CCDC30: variants seen among roughly 807,000 people sequenced by gnomAD.
The protein encoded by CCDC30 is coiled-coil domain-containing protein 30.
CCDC30 carries 70 observed loss-of-function variants against 100.2 expected under a neutral mutation model. The observed-to-expected ratio is 0.70, with a 90% CI of 0.58 to 0.85. The LOEUF is 0.85. CCDC30 is among the 40% of genes least tolerant of loss of function. The pLI, the probability that CCDC30 is intolerant of heterozygous loss-of-function variation, is 0.00. For synonymous variants in CCDC30, 233 were observed against 269.5 expected (o/e 0.86, Z 1.33); for missense variants, 652 against 771.2 (o/e 0.85, Z 1.83).
At chr1:42,631,186 C>G (rs562351629) in intron 11 of CCDC30, among the ~76,000 whole-genome samples, 1 of 152,306 alleles carries the variant, frequency 6.6e-6, no homozygotes, top group Admixed American at 6.5e-5. Flanking sequence ...ACTCCCCAAG[C>G]CCAGTAATGC....
At chr1:42,478,992 A>C (rs556795475) in intron 1 of CCDC30, among the ~76,000 whole-genome samples, 1 of 152,352 alleles carries the variant, frequency 6.6e-6, no homozygotes, top group African/African-American at 2.4e-5. Flanking sequence ...GCAAGGTCCT[A>C]GACTAGTAAA....
chr1:42,520,344 T>G (rs1264160092), intron 6 of CCDC30, among the ~76,000 whole-genome samples: 2 of 151,844 alleles, frequency 1.3e-5, no homozygotes, highest in Admixed American at 6.6e-5. Flanking sequence ...TCTCTTTTTT[T>G]TTTTTGAGAC....
At chr1:42,616,712 T>C (rs138600300) in intron 11 of CCDC30, among the ~76,000 whole-genome samples, 5 of 152,326 alleles carry the variant, frequency 3.3e-5, no homozygotes, top group Non-Finnish European at 5.9e-5. Context: ...ATAGAAAATC[T>C]ACATGTTCTT....
chr1:42,520,634 CTT>C (rs1181298704), intron 6 of CCDC30, among the ~76,000 whole-genome samples: 2 of 64,782 alleles, frequency 3.1e-5, no homozygotes. Flanking sequence ...CCGGCCTCAT[CTT>C]TTTTTTTTTT....
At chr1:42,587,390 T>C (rs1462835110) in intron 9 of CCDC30, among the ~76,000 whole-genome samples, 2 of 152,216 alleles carry the variant, frequency 1.3e-5, no homozygotes, top group Non-Finnish European at 2.9e-5. Context: ...ACTTCTCTTT[T>C]AGTTTCAAGG....
chr1:42,637,397 G>A lies in CCDC30; in HGVS notation c.1419+19G>A, dbSNP rs375667947. The A allele has an allele frequency of 3.3e-5, 53 of 1,601,686 alleles. No homozygotes were observed. The African/African-American group carries it at 4.9e-4, about 15-fold the overall frequency. ...AGAAAAGGTGAGGAAAAAATAAAAG[G>A]TGAAGAGCTCACTGGTGATTCCCAT... is the stretch of plus-strand genomic sequence containing the variant. On this transcript the variant is annotated intron_variant, in intron 12 of 16. Transcript: ENST00000668663.
chr1:42,528,555 G>A (rs1176688228), intron 6 of CCDC30, among the ~76,000 whole-genome samples: 1 of 152,174 alleles, frequency 6.6e-6, no homozygotes, highest in Non-Finnish European at 1.5e-5. Context: ...TGATTGGGTA[G>A]GAAGAGCCTC....
At chr1:42,517,937 ATTG>A (rs1165871175) in intron 6 of CCDC30, among the ~76,000 whole-genome samples, 2 of 152,022 alleles carry the variant, frequency 1.3e-5, no homozygotes, top group Admixed American at 1.3e-4. Context: ...CTTTTTCAAG[ATTG>A]TTGTGGCTGT....
exon 2 of CCDC30, chr1:42,480,471 T>G (rs375368954): frequency 4.6e-5 from 8 of 173,366 alleles, no homozygotes; most frequent in African/African-American, 1.9e-4. Flanking sequence ...GTTGGAGTGC[T>G]GGAGTGCAGT....
At chr1:42,647,678 C>T (rs916899626) in intron 15 of CCDC30, among the ~76,000 whole-genome samples, 1 of 152,070 alleles carries the variant, frequency 6.6e-6, no homozygotes, top group Non-Finnish European at 1.5e-5. Context: ...ATATCTTAGA[C>T]CACAAAACAA....
chr1:42,576,972 T>C, intron 7 of CCDC30, 48 bp from the exon 12 acceptor site: 2 of 1,401,106 alleles, frequency 1.4e-6, no homozygotes, highest in Non-Finnish European at 2.0e-6. Context: ...CTAGTTCACA[T>C]TCATTCCACA....
intron 6 of CCDC30, among the ~76,000 whole-genome samples, chr1:42,502,209 C>T (rs1644325345): frequency 6.6e-6 from 1 of 152,192 alleles, no homozygotes; most frequent in Non-Finnish European, 1.5e-5. Flanking sequence ...TCTCAGACTG[C>T]TGTGCTAGCA....
At chr1:42,522,270 C>G (rs1178317079) in intron 6 of CCDC30, among the ~76,000 whole-genome samples, 1 of 152,042 alleles carries the variant, frequency 6.6e-6, no homozygotes. Context: ...AGAGAGCCAA[C>G]TGTAGTTGGA....
chr1:42,622,432 C>T (rs1051912831), intron 11 of CCDC30, among the ~76,000 whole-genome samples: 6 of 152,238 alleles, frequency 3.9e-5, no homozygotes, highest in South Asian at 2.1e-4. Flanking sequence ...ATACTGATTT[C>T]CTTTCTTTTG....
intron 9 of CCDC30, among the ~76,000 whole-genome samples, chr1:42,586,005 G>A (rs918873051): frequency 2.6e-5 from 4 of 152,178 alleles, no homozygotes; most frequent in African/African-American, 9.7e-5. Context: ...CAACTGCAAT[G>A]AAGTATGATG....
upstream of CCDC30, chr1:42,460,135 AT>A: frequency 1.5e-6 from 2 of 1,305,962 alleles, no homozygotes; most frequent in Non-Finnish European, 1.9e-6. Flanking sequence ...AGAACTGTTA[AT>A]CACCTTTAAA....
At chr1:42,528,605 A>T (rs1299258763) in intron 6 of CCDC30, among the ~76,000 whole-genome samples, 1 of 152,188 alleles carries the variant, frequency 6.6e-6, no homozygotes, top group African/African-American at 2.4e-5. Flanking sequence ...TGCCAGCCCA[A>T]CAGACGATTT....
At chr1:42,563,876 CA>C (rs879572200) in intron 6 of CCDC30, among the ~76,000 whole-genome samples, 1,496 of 133,598 alleles carry the variant, frequency 0.011, 15 homozygotes, top group African/African-American at 0.035. Context: ...GACTCCATCT[CA>C]AAAAAAAAAA....
intron 9 of CCDC30, among the ~76,000 whole-genome samples, chr1:42,584,680 A>G (rs1344830731): frequency 2.0e-5 from 3 of 152,184 alleles, no homozygotes; most frequent in African/African-American, 4.8e-5. Context: ...TATCATCATA[A>G]TCTTCTCAGT....
Sources: allele counts gnomAD v4.1 joint callset (sites outside exome capture counted in the v4.1 genomes callset), GRCh38; gene constraint gnomAD v4.1.1; transcripts MANE v1.5; gene names NCBI Gene and HGNC (gene_info 2026-07-23, HGNC 2026-07-21).